The following KYNU variants were observed in gnomAD, a reference collection of about 807,000 sequenced individuals.
The protein encoded by KYNU is L-kynurenine hydrolase.
A neutral mutation model predicts 59.2 loss-of-function variants in KYNU; 54 were observed. The observed-to-expected ratio is 0.91, with a 90% CI of 0.73 to 1.14. The LOEUF (loss-of-function observed/expected upper bound fraction) is 1.14, where lower values mean the gene tolerates loss of function less well. Among genes scored for constraint, KYNU ranks in the 50% most tolerant of loss-of-function variants. KYNU has a pLI of 0.00. For missense variants in KYNU, 567 were observed against 554.4 expected (o/e 1.02, Z -0.23); for synonymous variants, 177 against 192.0 (o/e 0.92, Z 0.65).
At chr2:142,996,524 C>T (rs752864658) in intron 10 of KYNU, among the ~76,000 whole-genome samples, 12 of 152,056 alleles carry the variant, frequency 7.9e-5, no homozygotes, top group Non-Finnish European at 1.8e-4. Context: ...CTGAACTTAC[C>T]ATTCAGTCTG....
intron 4 of KYNU, among the ~76,000 whole-genome samples, chr2:142,946,795 ACCT>A (rs549043562): frequency 1.3e-3 from 200 of 152,138 alleles, no homozygotes; most frequent in African/African-American, 4.3e-3. Flanking sequence ...TGTAGCTGAG[ACCT>A]CCTTTCTAGC....
rs1285771187 is a variant in KYNU, at chr2:143,049,829, T to C, written c.*7657T>C. 6.6e-6 allele frequency: 1 copy of C among 152,198 alleles called. No individual in the cohort carries two copies. The highest frequency in any genetic ancestry group is 1.5e-5 in the Non-Finnish European group (1 of 68,036). The allele number at this position is 152,198 out of a possible 1,614,324, so 9.4% of individuals were successfully genotyped here. ...CCTTGTTTCCTTTGTAGTTTTGTGATTGATAGCTTCGAACTGCTCATTTAC... is the reference window on the plus strand; with the variant it reads ...CCTTGTTTCCTTTGTAGTTTTGTGACTGATAGCTTCGAACTGCTCATTTAC... On this transcript the variant is annotated 3_prime_UTR_variant, in exon 14 of 14. Coordinates refer to ENST00000264170, the MANE Select transcript of KYNU (RefSeq NM_003937.3).
intron 5 of KYNU, among the ~76,000 whole-genome samples, chr2:142,955,885 G>C (rs964048748): frequency 6.6e-6 from 1 of 152,030 alleles, no homozygotes; most frequent in Non-Finnish European, 1.5e-5. Flanking sequence ...TCAATTAACA[G>C]CTTTTTTTGT....
In KYNU at chr2:143,048,412, C is replaced by G. The variant is rs1282164930; in HGVS notation, c.*6240C>G. ...TCAAACAGCCAACTCTTTACTTATACACTATTGCTATTCATTATAGCATTT... is the reference window on the plus strand; with the variant it reads ...TCAAACAGCCAACTCTTTACTTATAGACTATTGCTATTCATTATAGCATTT... On this transcript the variant is annotated 3_prime_UTR_variant, in exon 14 of 14. Coordinates refer to ENST00000264170, the MANE Select transcript of KYNU (RefSeq NM_003937.3). The G allele has an allele frequency of 6.6e-6, 1 of 152,120 alleles. No homozygotes were observed. Among genetic ancestry groups the G allele is most frequent in the Non-Finnish European group, 1.5e-5 (1 of 68,008 alleles). The allele number at this position is 152,120 out of a possible 1,614,324, so 9.4% of individuals were successfully genotyped here. A position where few individuals can be genotyped will look rare whatever the true frequency, so the allele number is the denominator to read the frequency against.
At position 143,044,804 on chromosome 2, in the gene KYNU, C is replaced by A. The variant is rs1426726915; in HGVS notation, c.*2632C>A. 1 of 152,070 alleles carries A rather than the reference C, an allele frequency of 6.6e-6. No homozygotes were observed. The highest frequency in any genetic ancestry group is 2.4e-5 in the African/African-American group (1 of 41,418). The allele number at this position is 152,070 out of a possible 1,614,324, so 9.4% of individuals were successfully genotyped here. A position where few individuals can be genotyped will look rare whatever the true frequency, so the allele number is the denominator to read the frequency against. ...TGCCCGATCACTCTGATGATAGTTT[C>A]TTTTGCTGTGTAGAAGCTCTTTAGT... is the stretch of plus-strand genomic sequence containing the variant. On this transcript the variant is annotated 3_prime_UTR_variant, in exon 14 of 14. Transcript: ENST00000264170.
chr2:142,963,906 C>T (rs1489386037), intron 8 of KYNU, among the ~76,000 whole-genome samples: 6 of 152,122 alleles, frequency 3.9e-5, no homozygotes, highest in African/African-American at 1.4e-4. Flanking sequence ...CTTGAACACA[C>T]CAAATCTGGA....
chr2:142,889,419 G>A (rs1411237040), intron 2 of KYNU, among the ~76,000 whole-genome samples: 1 of 152,162 alleles, frequency 6.6e-6, no homozygotes, highest in African/African-American at 2.4e-5. Flanking sequence ...GTCTATCCGG[G>A]AGAAGGGAAA....
intron 5 of KYNU, 54 bp downstream of exon 5, chr2:142,954,925 G>A: frequency 1.8e-6 from 2 of 1,123,622 alleles, no homozygotes; most frequent in East Asian, 2.4e-5. Context: ...AGAATCTGAT[G>A]TTTTTCTATC....
chr2:143,004,501 A>G (rs1184432583), intron 10 of KYNU, among the ~76,000 whole-genome samples: 2 of 152,204 alleles, frequency 1.3e-5, no homozygotes, highest in African/African-American at 4.8e-5. Flanking sequence ...ACTTGAGGTC[A>G]GGTGGTCGAG....
intron 2 of KYNU, among the ~76,000 whole-genome samples, chr2:142,896,692 GC>G (rs1681891041): frequency 6.6e-6 from 1 of 151,934 alleles, no homozygotes. Flanking sequence ...TCGCTTTGTT[GC>G]CCAGACTGGT....
chr2:142,973,452 A>G (rs1476108229), intron 8 of KYNU, among the ~76,000 whole-genome samples: 1 of 152,124 alleles, frequency 6.6e-6, no homozygotes, highest in Non-Finnish European at 1.5e-5. Context: ...TGGCCCCTCC[A>G]TACCCCTTTT....
intron 10 of KYNU, among the ~76,000 whole-genome samples, chr2:143,017,949 T>C (rs1028253763): frequency 6.6e-5 from 10 of 152,180 alleles, no homozygotes; most frequent in Admixed American, 6.5e-4. Flanking sequence ...TCATTTCTTT[T>C]GAGAAGCATC....
chr2:142,999,079 C>T (rs954000779), intron 10 of KYNU, among the ~76,000 whole-genome samples: 2 of 151,096 alleles, frequency 1.3e-5, no homozygotes, highest in African/African-American at 4.9e-5. Flanking sequence ...TCTATCCTAG[C>T]CTAGCATTCT....
At chr2:142,903,800 A>G (rs972331462) in intron 2 of KYNU, among the ~76,000 whole-genome samples, 1 of 152,156 alleles carries the variant, frequency 6.6e-6, no homozygotes, top group Admixed American at 6.5e-5. Context: ...AGGGGCATGG[A>G]CGAGGGGGGT....
intron 10 of KYNU, among the ~76,000 whole-genome samples, chr2:142,992,276 A>T (rs1283578615): frequency 1.3e-5 from 2 of 151,794 alleles, no homozygotes; most frequent in African/African-American, 4.8e-5. Flanking sequence ...AAGATAAATG[A>T]TAAATGCCTC....
intron 2 of KYNU, among the ~76,000 whole-genome samples, chr2:142,895,136 A>C (rs1681825390): frequency 6.6e-6 from 1 of 152,192 alleles, no homozygotes; most frequent in Admixed American, 6.5e-5. Context: ...TGATATTGTT[A>C]ATATTTAAAT....
intron 10 of KYNU, chr2:142,989,272 G>A (rs1685319268): frequency 3.8e-6 from 2 of 529,244 alleles, no homozygotes; most frequent in Admixed American, 5.2e-5. Flanking sequence ...TCAGTTGTTA[G>A]CATTCCACGA....
chr2:142,956,507 CTT>C (rs1270712796), intron 6 of KYNU, among the ~76,000 whole-genome samples: 1 of 152,076 alleles, frequency 6.6e-6, no homozygotes, highest in Non-Finnish European at 1.5e-5. Flanking sequence ...ATTTATTAGT[CTT>C]TTTAAAGACA....
intron 4 of KYNU, among the ~76,000 whole-genome samples, chr2:142,952,354 A>T (rs1248525905): frequency 6.6e-6 from 1 of 152,044 alleles, no homozygotes; most frequent in African/African-American, 2.4e-5. Context: ...GGGATTAGAG[A>T]TATAAAACCA....
Sources: allele counts gnomAD v4.1 joint callset (sites outside exome capture counted in the v4.1 genomes callset), GRCh38; gene constraint gnomAD v4.1.1; transcripts MANE v1.5; gene names NCBI Gene and HGNC (gene_info 2026-07-23, HGNC 2026-07-21).